Variants in PKNOX2 observed in about 807,000 individuals in gnomAD.
PKNOX2 encodes the protein homeobox protein PKNOX2.
Under a neutral mutation model 53.1 loss-of-function variants are expected in PKNOX2, and 14 were observed. The observed-to-expected ratio is 0.26, with a 90% CI of 0.17 to 0.41. The LOEUF (loss-of-function observed/expected upper bound fraction) is 0.41, where lower values mean the gene tolerates loss of function less well. Ranked by LOEUF, PKNOX2 falls within the 10% of genes least tolerant of loss-of-function variation. PKNOX2 has a pLI of 1.00. For missense variants in PKNOX2, 496 were observed against 602.8 expected (o/e 0.82, Z 1.85); for synonymous variants, 257 against 242.8 (o/e 1.06, Z -0.54).
At chr11:125,230,108 T>C (rs1219274559) in intron 1 of PKNOX2, among the ~76,000 whole-genome samples, 1 of 152,186 alleles carries the variant, frequency 6.6e-6, no homozygotes, top group East Asian at 1.9e-4. Context: ...CCTTTCCAGG[T>C]CCTTTGCAAC....
chr11:125,186,301 C>T (rs975505345), intron 1 of PKNOX2, among the ~76,000 whole-genome samples: 19 of 152,264 alleles, frequency 1.2e-4, no homozygotes, highest in African/African-American at 3.9e-4. Context: ...AAACCCTTAT[C>T]AGGGAAAATA....
rs1311308873 is a variant in PKNOX2, at chr11:125,430,160, T to G, written c.1192+19T>G. On this transcript the variant is annotated intron_variant, in intron 12 of 12. Transcript: ENST00000298282. Reference sequence around the variant, plus strand: ...CCCGATGGTAAGAACTGGGGCTGAGTGCACCCTAGACAAGGGCTGGGGGTG... The same window carrying G: ...CCCGATGGTAAGAACTGGGGCTGAGGGCACCCTAGACAAGGGCTGGGGGTG... 1.9e-6 allele frequency: 3 copies of G among 1,611,878 alleles called. No individual in the cohort carries two copies. In the African/African-American group the frequency reaches 4.0e-5, roughly 21 times the overall value.
chr11:125,407,624 G>C (rs920791968), intron 7 of PKNOX2, among the ~76,000 whole-genome samples: 2 of 152,080 alleles, frequency 1.3e-5, no homozygotes, highest in African/African-American at 4.8e-5. Flanking sequence ...CTTCAAGCCT[G>C]GTGTGGTGGC....
At chr11:125,404,960 C>T (rs922882117) in intron 7 of PKNOX2, among the ~76,000 whole-genome samples, 13 of 152,214 alleles carry the variant, frequency 8.5e-5, no homozygotes, top group Non-Finnish European at 1.5e-4. Flanking sequence ...GACCCCCACC[C>T]GCCCCGAGCC....
At chr11:125,185,547 T>C (rs769785701) in intron 1 of PKNOX2, among the ~76,000 whole-genome samples, 3 of 151,440 alleles carry the variant, frequency 2.0e-5, no homozygotes, top group Non-Finnish European at 4.4e-5. Flanking sequence ...TCTCATCCAC[T>C]TTCTATCTCT....
In PKNOX2 at chr11:125,222,727, ATG is replaced by A. The variant is rs746914950; in HGVS notation, c.-200-12308_-200-12307del. The stretch of plus-strand genomic sequence containing the variant: ...GTGTGTGCTGTGTATGTGTGTGTGT[ATG>A]TGTGTGTGTCTGTGTCTGTGTGCCT... On this transcript the variant is annotated intron_variant, in intron 1 of 12. Transcript: ENST00000298282. Among the ~76,000 whole-genome samples, 152 of 121,964 alleles carry A rather than the reference ATG, an allele frequency of 1.2e-3. 2 individuals are homozygous for A. The highest frequency in any genetic ancestry group is 4.3e-3 in the African/African-American group (131 of 30,528). 80.0% of individuals were successfully genotyped at this position (121,964 alleles called of 152,430 possible). A position where few individuals can be genotyped will look rare whatever the true frequency, so the allele number is the denominator to read the frequency against.
chr11:125,348,064 C>T (rs760324411), intron 3 of PKNOX2, among the ~76,000 whole-genome samples: 2 of 152,172 alleles, frequency 1.3e-5, no homozygotes, highest in Admixed American at 6.5e-5. Context: ...CCCTCCCTCT[C>T]CCAAAGAAAA....
intron 7 of PKNOX2, among the ~76,000 whole-genome samples, chr11:125,407,723 G>A (rs1359324403): frequency 2.0e-5 from 3 of 150,380 alleles, no homozygotes; most frequent in African/African-American, 7.4e-5. Context: ...AACAGAGCAA[G>A]ACTCTCTACC....
intron 10 of PKNOX2, among the ~76,000 whole-genome samples, chr11:125,420,990 T>C (rs1956141011): frequency 6.6e-6 from 1 of 152,090 alleles, no homozygotes; most frequent in Non-Finnish European, 1.5e-5. Flanking sequence ...TTAACCAAAG[T>C]GGCTTTTAGG....
intron 4 of PKNOX2, among the ~76,000 whole-genome samples, chr11:125,360,947 G>T (rs1248011002): frequency 6.6e-6 from 1 of 152,198 alleles, no homozygotes; most frequent in Non-Finnish European, 1.5e-5. Context: ...ACAAAGCAGA[G>T]ATTCATCCCA....
intron 3 of PKNOX2, among the ~76,000 whole-genome samples, chr11:125,345,710 T>A (rs1025515601): frequency 7.9e-5 from 12 of 152,148 alleles, no homozygotes; most frequent in Admixed American, 1.3e-4. Flanking sequence ...ACACTTTTTT[T>A]TTCCAGGCAT....
chr11:125,388,462 G>C (rs1012619067), intron 6 of PKNOX2, among the ~76,000 whole-genome samples: 9 of 152,124 alleles, frequency 5.9e-5, no homozygotes, highest in African/African-American at 1.7e-4. Flanking sequence ...AGATAATTGA[G>C]AGATTTATTT....
At chr11:125,244,308 T>C (rs1377931751) in intron 2 of PKNOX2, among the ~76,000 whole-genome samples, 2 of 152,202 alleles carry the variant, frequency 1.3e-5, no homozygotes, top group African/African-American at 4.8e-5. Flanking sequence ...GAGGCCTACA[T>C]GCTGGAGCTG....
intron 1 of PKNOX2, among the ~76,000 whole-genome samples, chr11:125,202,317 C>A (rs989172816): frequency 2.0e-5 from 3 of 152,166 alleles, no homozygotes; most frequent in Non-Finnish European, 4.4e-5. Context: ...CACCCCTCAC[C>A]AAGGGGCCTT....
chr11:125,229,113 C>T (rs1396070396), intron 1 of PKNOX2, among the ~76,000 whole-genome samples: 1 of 152,164 alleles, frequency 6.6e-6, no homozygotes, highest in East Asian at 1.9e-4. Context: ...GCGGTGTTGG[C>T]ATTTCCTGGC....
intron 1 of PKNOX2, among the ~76,000 whole-genome samples, chr11:125,221,551 T>C (rs1239585348): frequency 6.6e-6 from 1 of 152,124 alleles, no homozygotes; most frequent in Non-Finnish European, 1.5e-5. Flanking sequence ...TAAGTCAGTA[T>C]GTGAGATACG....
At chr11:125,300,185 T>G (rs76969185) in intron 2 of PKNOX2, among the ~76,000 whole-genome samples, 4,581 of 152,300 alleles carry the variant, frequency 0.03, 232 homozygotes, top group African/African-American at 0.1. Flanking sequence ...AGTCTGCTTT[T>G]GAAAGAGCAA....
chr11:125,375,595 GT>G (rs1952787976), intron 5 of PKNOX2, among the ~76,000 whole-genome samples: 1 of 152,220 alleles, frequency 6.6e-6, no homozygotes, highest in African/African-American at 2.4e-5. Context: ...TGAGAAGCCC[GT>G]TGGGGTATCA....
chr11:125,184,359 A>T (rs750078898), intron 1 of PKNOX2: 1 of 152,222 alleles, frequency 6.6e-6, no homozygotes, highest in Non-Finnish European at 1.5e-5. Flanking sequence ...ATTTTCACAT[A>T]TGGCAAAGGC....
Sources: allele counts gnomAD v4.1 joint callset (sites outside exome capture counted in the v4.1 genomes callset), GRCh38; gene constraint gnomAD v4.1.1; transcripts MANE v1.5; gene names NCBI Gene and HGNC (gene_info 2026-07-23, HGNC 2026-07-21).